The following ERI1 variants were observed in gnomAD, a reference collection of about 807,000 sequenced individuals.
ERI1 encodes exoribonuclease 1, also known as 3'-5' exoribonuclease 1.
Under a neutral mutation model 39.7 loss-of-function variants are expected in ERI1, and 39 were observed. The observed-to-expected ratio is 0.98, with a 90% CI of 0.76 to 1.28. The LOEUF (loss-of-function observed/expected upper bound fraction) is 1.28. Among genes scored for constraint, ERI1 ranks in the 50% most tolerant of loss-of-function variants. ERI1 has a pLI of 0.00. For missense variants in ERI1, 581 were observed against 416.9 expected (o/e 1.39, Z -3.43); for synonymous variants, 204 against 149.6 (o/e 1.36, Z -2.65).
intron 3 of ERI1, among the ~76,000 whole-genome samples, chr8:9,043,695 G>T (rs986446018): frequency 2.6e-5 from 4 of 152,178 alleles, no homozygotes; most frequent in African/African-American, 7.2e-5. Context: ...ATCCATAATT[G>T]TGTTGTTTAT....
At chr8:9,070,828 G>T (rs1799022742) in intron 3 of ERI1, among the ~76,000 whole-genome samples, 1 of 152,192 alleles carries the variant, frequency 6.6e-6, no homozygotes, top group Non-Finnish European at 1.5e-5. Context: ...ACTTGGGGAT[G>T]AATTAGTTTG....
chr8:9,092,450 T>C, intron 3 of ERI1, among the ~76,000 whole-genome samples: 1 of 152,236 alleles, frequency 6.6e-6, no homozygotes, highest in East Asian at 1.9e-4. Flanking sequence ...ATCTTGTTTA[T>C]AGCCACAAAC....
intron 6 of ERI1, among the ~76,000 whole-genome samples, chr8:9,023,337 T>C (rs1379221026): frequency 2.0e-5 from 3 of 152,194 alleles, no homozygotes; most frequent in Non-Finnish European, 1.5e-5. Context: ...ATACTCCAGT[T>C]GAGAAGCTCG....
chr8:9,014,684 A>G (rs1276246253), intron 3 of ERI1, among the ~76,000 whole-genome samples: 1 of 152,176 alleles, frequency 6.6e-6, no homozygotes, highest in Admixed American at 6.5e-5. Context: ...GGAAGTTGCA[A>G]TATATTTTTG....
chr8:9,005,541 G>A (rs1402203032), intron 1 of ERI1, among the ~76,000 whole-genome samples: 5 of 146,276 alleles, frequency 3.4e-5, no homozygotes, highest in African/African-American at 5.1e-5. Context: ...TTGAGAGGGA[G>A]TCTCTCTCTG....
chr8:9,005,034 C>T (rs137860538), intron 1 of ERI1, among the ~76,000 whole-genome samples: 113 of 152,216 alleles, frequency 7.4e-4, no homozygotes, highest in African/African-American at 2.5e-3. Context: ...TTGTTGAATT[C>T]AGGTGGTAAA....
chr8:9,085,510 A>G (rs944118456), intron 3 of ERI1, among the ~76,000 whole-genome samples: 2 of 151,736 alleles, frequency 1.3e-5, no homozygotes, highest in African/African-American at 2.4e-5. Context: ...GCCCGGCCCT[A>G]CCATCTTTTT....
chr8:9,037,792 T>G (rs1304754621), downstream of ERI1, among the ~76,000 whole-genome samples: 1 of 151,918 alleles, frequency 6.6e-6, no homozygotes, highest in Non-Finnish European at 1.5e-5. Context: ...GTAGAAATGT[T>G]TAATCCCTGT....
chr8:9,004,485 CTTTTTTTT>C (rs71201904), intron 1 of ERI1, among the ~76,000 whole-genome samples: 19 of 78,328 alleles, frequency 2.4e-4, no homozygotes, highest in African/African-American at 7.0e-4. Flanking sequence ...TATAGTGATA[CTTTTTTTT>C]TTTTTTTTTT....
downstream of ERI1, among the ~76,000 whole-genome samples, chr8:9,037,484 G>T (rs1047304353): frequency 6.6e-6 from 1 of 150,746 alleles, no homozygotes; most frequent in African/African-American, 2.4e-5. Context: ...AGATTCATAT[G>T]TACTGTATTG....
At chr8:9,049,531 A>G (rs564931026) in intron 3 of ERI1, among the ~76,000 whole-genome samples, 7 of 131,738 alleles carry the variant, frequency 5.3e-5, no homozygotes, top group African/African-American at 1.7e-4. Context: ...ATTTTTTGGC[A>G]TTAATTTTGA....
intron 1 of ERI1, among the ~76,000 whole-genome samples, chr8:9,006,951 T>A (rs1367647378): frequency 2.6e-5 from 4 of 152,214 alleles, no homozygotes; most frequent in Non-Finnish European, 2.9e-5. Context: ...GATCTATAAT[T>A]ACAGTTTACG....
chr8:9,005,009 C>T (rs1250663335), intron 1 of ERI1, among the ~76,000 whole-genome samples: 1 of 152,108 alleles, frequency 6.6e-6, no homozygotes, highest in African/African-American at 2.4e-5. Context: ...GTTTTTCAAT[C>T]TGGGCCAAAG....
chr8:9,082,746 G>C (rs1435112201), intron 3 of ERI1, among the ~76,000 whole-genome samples: 1 of 152,146 alleles, frequency 6.6e-6, no homozygotes, highest in Non-Finnish European at 1.5e-5. Flanking sequence ...GTCCACCCTT[G>C]AACCTATCTA....
At chr8:9,091,546 T>C (rs1799706146) in intron 3 of ERI1, 1 of 152,144 alleles carries the variant, frequency 6.6e-6, no homozygotes, top group Non-Finnish European at 1.5e-5. Flanking sequence ...TTTGGTGATA[T>C]TGTGCTCAAA....
intron 3 of ERI1, among the ~76,000 whole-genome samples, chr8:9,049,423 T>C (rs978434848): frequency 6.8e-6 from 1 of 146,032 alleles, no homozygotes; most frequent in African/African-American, 2.6e-5. Context: ...TATTGAAATA[T>C]GGATAGCATC....
chr8:9,058,968 CTGTT>C (rs1231728518), intron 3 of ERI1, among the ~76,000 whole-genome samples: 1 of 152,024 alleles, frequency 6.6e-6, no homozygotes, highest in African/African-American at 2.4e-5. Flanking sequence ...AGCAATAAGG[CTGTT>C]TATTTCACCT....
chr8:9,068,190 T>C (rs989185613), intron 3 of ERI1, among the ~76,000 whole-genome samples: 61 of 152,234 alleles, frequency 4.0e-4, no homozygotes, highest in African/African-American at 1.4e-3. Context: ...AATAGTATTA[T>C]ATACAATTGA....
chr8:9,020,498 T>C (rs1817768175), intron 6 of ERI1, 34 bp downstream of exon 6: 2 of 1,329,332 alleles, frequency 1.5e-6, no homozygotes, highest in Non-Finnish European at 2.1e-6. Context: ...TACGTGGTTC[T>C]TAATGATAAA....
Sources: allele counts gnomAD v4.1 joint callset (sites outside exome capture counted in the v4.1 genomes callset), GRCh38; gene constraint gnomAD v4.1.1; transcripts MANE v1.5; gene names NCBI Gene and HGNC (gene_info 2026-07-23, HGNC 2026-07-21).